Variants in SDK1 observed in about 807,000 individuals in gnomAD.
SDK1 encodes protein sidekick-1.
A neutral mutation model predicts 245.5 loss-of-function variants in SDK1; 157 were observed. The observed-to-expected ratio is 0.64, with a 90% CI of 0.56 to 0.73. The LOEUF (loss-of-function observed/expected upper bound fraction) is 0.73, where lower values mean the gene tolerates loss of function less well. SDK1 is among the 30% of genes least tolerant of loss of function. SDK1 has a pLI of 0.00. For synonymous variants in SDK1, 1,647 were observed against 1,278.5 expected (o/e 1.29, Z -6.15); for missense variants, 3,583 against 3,002.3 (o/e 1.19, Z -4.52).
intron 44 of SDK1, among the ~76,000 whole-genome samples, chr7:4,247,945 T>G (rs971964785): frequency 6.6e-6 from 1 of 152,152 alleles, no homozygotes; most frequent in African/African-American, 2.4e-5. Context: ...AGGGATGGTG[T>G]GTCCTAGAGC....
At chr7:3,568,319 C>A (rs963759684) in intron 1 of SDK1, among the ~76,000 whole-genome samples, 1 of 152,168 alleles carries the variant, frequency 6.6e-6, no homozygotes, top group East Asian at 1.9e-4. Context: ...CCCAGCCTCC[C>A]TCCAGATGAA....
At chr7:3,516,421 A>C (rs1299411084) in intron 1 of SDK1, among the ~76,000 whole-genome samples, 1 of 152,104 alleles carries the variant, frequency 6.6e-6, no homozygotes, top group African/African-American at 2.4e-5. Context: ...TATAATTTGA[A>C]TTACTTTGTC....
intron 3 of SDK1, 90 bp downstream of exon 3, chr7:3,639,200 T>G: frequency 4.7e-6 from 3 of 640,074 alleles, no homozygotes; most frequent in Non-Finnish European, 8.0e-6. Context: ...TTGTAGGAAC[T>G]GAGAGTTTAT....
At chr7:3,545,162 G>C (rs1359993265) in intron 1 of SDK1, among the ~76,000 whole-genome samples, 2 of 152,070 alleles carry the variant, frequency 1.3e-5, no homozygotes, top group African/African-American at 2.4e-5. Flanking sequence ...AGTTTTAATT[G>C]ACGCCTAACA....
At chr7:4,169,045 T>G (rs1562381056) in intron 32 of SDK1, among the ~76,000 whole-genome samples, 3 of 152,116 alleles carry the variant, frequency 2.0e-5, no homozygotes, top group African/African-American at 7.2e-5. Context: ...GTGAGAGCCA[T>G]TAGCGGGGAC....
intron 1 of SDK1, among the ~76,000 whole-genome samples, chr7:3,604,460 A>G (rs1258832140): frequency 6.6e-6 from 1 of 152,110 alleles, no homozygotes; most frequent in African/African-American, 2.4e-5. Flanking sequence ...TAAGCATTTT[A>G]GTGCTATACA....
chr7:3,875,380 A>T (rs1442676245), intron 5 of SDK1, among the ~76,000 whole-genome samples: 2 of 152,170 alleles, frequency 1.3e-5, no homozygotes, highest in African/African-American at 4.8e-5. Flanking sequence ...CTTACCTTTT[A>T]AGTCACTCTC....
chr7:3,403,596 T>A (rs1043007428), intron 1 of SDK1, among the ~76,000 whole-genome samples: 2 of 151,546 alleles, frequency 1.3e-5, no homozygotes, highest in Non-Finnish European at 2.9e-5. Flanking sequence ...TATCTAGATA[T>A]CTGAGTAAAG....
Position 3,388,441 on chromosome 7 carries a change from C to G in SDK1, c.298+86557C>G, listed in dbSNP as rs76525454. Among the ~76,000 whole-genome samples, 1,412 of 151,632 alleles carry G rather than the reference C, an allele frequency of 9.3e-3. 23 individuals carry two copies. The highest frequency in any genetic ancestry group is 0.032 in the African/African-American group (1,328 of 41,320). On this transcript the variant is annotated intron_variant, in intron 1 of 44. Transcript: ENST00000404826. ...GAAGAGACTGGGTCTCATTTTGTTG[C>G]CCAGACTTGAGTGCAGTGGCAAGAT...
intron 4 of SDK1, among the ~76,000 whole-genome samples, chr7:3,805,126 A>T (rs1779209060): frequency 6.6e-6 from 1 of 152,242 alleles, no homozygotes; most frequent in Admixed American, 6.5e-5. Flanking sequence ...TGGACACCAT[A>T]AGTACATACA....
intron 1 of SDK1, among the ~76,000 whole-genome samples, chr7:3,318,571 A>G (rs1779719818): frequency 6.6e-6 from 1 of 152,290 alleles, no homozygotes; most frequent in Non-Finnish European, 1.5e-5. Context: ...GGCATTACTT[A>G]TTACTTGTTT....
intron 4 of SDK1, among the ~76,000 whole-genome samples, chr7:3,758,215 T>G (rs1468680905): frequency 6.6e-6 from 1 of 152,198 alleles, no homozygotes; most frequent in Non-Finnish European, 1.5e-5. Context: ...AAATATCTGT[T>G]TTTCCTAAAC....
At chr7:3,433,344 G>A (rs1351590758) in intron 1 of SDK1, among the ~76,000 whole-genome samples, 1 of 152,144 alleles carries the variant, frequency 6.6e-6, no homozygotes, top group African/African-American at 2.4e-5. Context: ...TAGTCATTTC[G>A]TCTCTTGAGA....
intron 19 of SDK1, among the ~76,000 whole-genome samples, chr7:4,059,808 A>C (rs1018493198): frequency 6.6e-6 from 1 of 152,212 alleles, no homozygotes; most frequent in Non-Finnish European, 1.5e-5. Flanking sequence ...GTACAAATAC[A>C]TGGAAATTAA....
At chr7:4,162,572 G>C (rs902813429) in intron 32 of SDK1, among the ~76,000 whole-genome samples, 2 of 151,894 alleles carry the variant, frequency 1.3e-5, no homozygotes, top group African/African-American at 4.8e-5. Flanking sequence ...ACTAACTTTT[G>C]TATTTTTAGT....
At chr7:3,646,435 A>T (rs1277335200) in intron 4 of SDK1, among the ~76,000 whole-genome samples, 1 of 152,220 alleles carries the variant, frequency 6.6e-6, no homozygotes, top group Non-Finnish European at 1.5e-5. Context: ...TACCTACTTT[A>T]AACATATCTT....
intron 4 of SDK1, among the ~76,000 whole-genome samples, chr7:3,715,751 C>T (rs1046504287): frequency 6.6e-6 from 1 of 152,110 alleles, no homozygotes; most frequent in Non-Finnish European, 1.5e-5. Flanking sequence ...TGGAAAATTA[C>T]TGAACATACA....
At position 4,267,452 on chromosome 7, in the gene SDK1, C is replaced by T. The variant is rs1023574973; in HGVS notation, c.*2068C>T. 3.1e-5 allele frequency: 31 copies of T among 985,440 alleles called. No homozygotes were observed. Among genetic ancestry groups the T allele is most frequent in the Non-Finnish European group, 2.0e-5 (17 of 829,960 alleles). The allele number at this position is 985,440 out of a possible 1,614,324, so 61.0% of individuals were successfully genotyped here. On this transcript the variant is annotated 3_prime_UTR_variant, in exon 45 of 45. Coordinates refer to ENST00000404826, the MANE Select transcript of SDK1 (RefSeq NM_152744.4). ...ATGAGAATCGCAACCCACAGTTCCCCGGATGAGACTCACCACAGTGGACAG... is the reference window on the plus strand; with the variant it reads ...ATGAGAATCGCAACCCACAGTTCCCTGGATGAGACTCACCACAGTGGACAG...
At chr7:4,050,602 A>G (rs552506985) in intron 18 of SDK1, among the ~76,000 whole-genome samples, 3 of 152,326 alleles carry the variant, frequency 2.0e-5, no homozygotes, top group Admixed American at 1.3e-4. Flanking sequence ...CTGCCAAAAC[A>G]TGAACACGCT....
Sources: allele counts gnomAD v4.1 joint callset (sites outside exome capture counted in the v4.1 genomes callset), GRCh38; gene constraint gnomAD v4.1.1; transcripts MANE v1.5; gene names NCBI Gene and HGNC (gene_info 2026-07-23, HGNC 2026-07-21).